Variants in DENND4A observed in about 807,000 individuals in gnomAD.
The protein encoded by DENND4A is DENN domain containing 4A.
DENND4A carries 70 observed loss-of-function variants against 199.3 expected under a neutral mutation model. That is an observed-to-expected ratio of 0.35 (90% CI 0.29 to 0.43). The LOEUF is 0.43. Among genes scored for constraint, DENND4A ranks in the 20% least tolerant of loss-of-function variants. The probability of loss-of-function intolerance (pLI) is 1.00; values close to 1 mark genes in which losing one functional copy is unlikely to be tolerated. For missense variants in DENND4A, 1,723 were observed against 2,255.8 expected, an observed-to-expected ratio of 0.76 and a Z score of 4.78; for synonymous variants, 686 against 766.9, an observed-to-expected ratio of 0.89 and a Z score of 1.74.
chr15:65,667,312 G>T, intron 29 of DENND4A, 137 bp downstream of exon 29: 2 of 1,057,142 alleles, frequency 1.9e-6, no homozygotes, highest in East Asian at 2.6e-5. Flanking sequence ...CCTGGCGAAA[G>T]AGTGAGACTA....
intron 20 of DENND4A, among the ~76,000 whole-genome samples, chr15:65,699,908 G>A (rs1596468728): frequency 6.6e-6 from 1 of 151,688 alleles, no homozygotes; most frequent in Non-Finnish European, 1.5e-5. Flanking sequence ...AAACTCCTGG[G>A]CTCAAGTGAA....
intron 3 of DENND4A, among the ~76,000 whole-genome samples, chr15:65,753,632 TAC>T (rs2076623008): frequency 6.6e-6 from 1 of 152,202 alleles, no homozygotes; most frequent in Non-Finnish European, 1.5e-5. Flanking sequence ...GTGTTGGGAT[TAC>T]ACGTGTAAGC....
chr15:65,771,095 C>T (rs2077112795), intron 1 of DENND4A: 4 of 1,348,516 alleles, frequency 3.0e-6, no homozygotes, highest in Non-Finnish European at 4.0e-6. Context: ...TCTTTCCCTT[C>T]ATCTCTCATG....
At chr15:65,768,076 C>T (rs1157359669) in intron 1 of DENND4A, among the ~76,000 whole-genome samples, 2 of 152,128 alleles carry the variant, frequency 1.3e-5, no homozygotes, top group Non-Finnish European at 2.9e-5. Flanking sequence ...TGTAGTGGCA[C>T]GATCATGGCT....
intron 1 of DENND4A, chr15:65,772,141 T>C: frequency 2.6e-6 from 2 of 755,226 alleles, no homozygotes; most frequent in Non-Finnish European, 2.3e-6. Context: ...TTCCCCTCCA[T>C]AGCTTGCTCC....
chr15:65,789,347 G>A (rs1247880595), intron 1 of DENND4A, among the ~76,000 whole-genome samples: 1 of 151,908 alleles, frequency 6.6e-6, no homozygotes, highest in Non-Finnish European at 1.5e-5. Context: ...CCACCTCATA[G>A]GGCCTAATCA....
Position 65,660,471 on chromosome 15 carries a change from A to G in DENND4A, c.*1380T>C. ...ATTTTTTCCTTCTTTAAAGCTGGCT[A>G]GGGAATTCCTTCACTAATGATAATG... On this transcript the variant is annotated 3_prime_UTR_variant, in exon 33 of 33. Transcript: ENST00000443035. 1.8e-6 allele frequency: 1 copy of G among 548,906 alleles called. No homozygotes were observed. The highest frequency in any genetic ancestry group is 2.7e-5 in the South Asian group (1 of 36,980). The allele number at this position is 548,906 out of a possible 1,614,324, so 34.0% of individuals were successfully genotyped here.
intron 1 of DENND4A, among the ~76,000 whole-genome samples, chr15:65,779,969 G>C (rs907986307): frequency 1.3e-5 from 2 of 151,890 alleles, no homozygotes; most frequent in Admixed American, 6.6e-5. Flanking sequence ...CAAACTCCTG[G>C]GCTCAAGTGA....
At chr15:65,697,233 A>C in intron 21 of DENND4A, 34 bp downstream of exon 21, 1 of 1,314,222 alleles carries the variant, frequency 7.6e-7, no homozygotes, top group Non-Finnish European at 1.1e-6. Context: ...ATAAGTTCTC[A>C]ATTTTATACA....
chr15:65,769,593 G>C (rs2077076015), intron 1 of DENND4A, among the ~76,000 whole-genome samples: 2 of 152,118 alleles, frequency 1.3e-5, no homozygotes, highest in Non-Finnish European at 2.9e-5. Context: ...CAAATAATTT[G>C]ATGTAAATCA....
At chr15:65,710,477 G>A (rs7167543) in intron 14 of DENND4A, among the ~76,000 whole-genome samples, 6 of 152,072 alleles carry the variant, frequency 3.9e-5, no homozygotes, top group Admixed American at 2.0e-4. Context: ...GCCACTGTTC[G>A]TAAGGGAAGC....
intron 12 of DENND4A, among the ~76,000 whole-genome samples, chr15:65,718,760 C>CTTTTTTTTTTTTCT (rs2075500412): frequency 1.5e-5 from 1 of 67,738 alleles, no homozygotes; most frequent in Non-Finnish European, 3.0e-5. Context: ...GTTTTTTTTC[C>CTTTTTTTTTTTTCT]TTTTTTTTTT....
intron 4 of DENND4A, among the ~76,000 whole-genome samples, chr15:65,742,028 T>C (rs574054988): frequency 2.4e-4 from 37 of 152,218 alleles, no homozygotes; most frequent in Non-Finnish European, 5.0e-4. Flanking sequence ...ACTTGACTCT[T>C]TTAAACAAAG....
chr15:65,763,679 C>CAA (rs11357605), intron 1 of DENND4A, among the ~76,000 whole-genome samples: 108 of 87,132 alleles, frequency 1.2e-3, no homozygotes, highest in Non-Finnish European at 1.7e-3. Flanking sequence ...GACCTTGTCT[C>CAA]AAAAAAAAAA....
At chr15:65,760,994 A>G (rs573014169) in intron 2 of DENND4A, among the ~76,000 whole-genome samples, 3 of 152,360 alleles carry the variant, frequency 2.0e-5, no homozygotes, top group African/African-American at 7.2e-5. Context: ...ACTAGCTATT[A>G]TAAGTAAATA....
chr15:65,696,316 TAC>T (rs746296384), intron 22 of DENND4A, 48 bp downstream of exon 22: 2 of 1,577,550 alleles, frequency 1.3e-6, no homozygotes, highest in African/African-American at 2.7e-5. Flanking sequence ...TCACTAGTCA[TAC>T]AGATACAATT....
intron 16 of DENND4A, 124 bp from the exon 17 acceptor site, chr15:65,702,635 T>A: frequency 1.1e-6 from 1 of 943,680 alleles, no homozygotes; most frequent in African/African-American, 1.7e-5. Flanking sequence ...ATGTCTGTAA[T>A]TAATGCGTTT....
rs1304475566 is a variant in DENND4A, at chr15:65,661,634, AAAG to A, written c.*214_*216del. 2.9e-5 allele frequency: 11 copies of A among 379,944 alleles called. No individual in the cohort carries two copies. The South Asian group carries it at 3.1e-4, about 11-fold the overall frequency. The allele number at this position is 379,944 out of a possible 1,614,324, so 23.5% of individuals were successfully genotyped here. A position where few individuals can be genotyped will look rare whatever the true frequency, so the allele number is the denominator to read the frequency against. On this transcript the variant is annotated 3_prime_UTR_variant, in exon 33 of 33. Coordinates refer to ENST00000443035, the MANE Select transcript of DENND4A (RefSeq NM_001320835.1). ...CTTTATTTCCTATTACAGGGGAGTT[AAAG>A]AAGAAGAAAAAAGAAATGAGAAACA...
chr15:65,669,640 A>T, intron 27 of DENND4A, 139 bp downstream of exon 27: 1 of 721,498 alleles, frequency 1.4e-6, no homozygotes, highest in South Asian at 2.2e-5. Context: ...ACACTGTTTT[A>T]AGAGTAAGAA....
Sources: gnomAD v4.1 joint callset for allele counts (sites outside exome capture counted in the v4.1 genomes callset) on GRCh38, gnomAD v4.1.1 for gene constraint, MANE v1.5 for transcripts, NCBI Gene and HGNC (gene_info 2026-07-23, HGNC 2026-07-21) for gene names.